NMNAT2: variants seen among roughly 807,000 people sequenced by gnomAD.
The protein encoded by NMNAT2 is nicotinamide nucleotide adenylyltransferase 2.
NMNAT2 carries 11 observed loss-of-function variants against 41.6 expected under a neutral mutation model. The observed-to-expected ratio is 0.26, with a 90% CI of 0.17 to 0.44. The LOEUF is 0.44. Among genes scored for constraint, NMNAT2 ranks in the 20% least tolerant of loss-of-function variants. The pLI is 1.00. For synonymous variants in NMNAT2, 148 were observed against 151.2 expected, an observed-to-expected ratio of 0.98 and a Z score of 0.16; for missense variants, 288 against 407.7, an observed-to-expected ratio of 0.71 and a Z score of 2.53.
At chr1:183,320,575 C>G (rs10911307) in intron 1 of NMNAT2, among the ~76,000 whole-genome samples, 1 of 152,128 alleles carries the variant, frequency 6.6e-6, no homozygotes, top group South Asian at 2.1e-4. Flanking sequence ...GCACTCCAGC[C>G]TGGGCGACAG....
At chr1:183,352,987 C>G (rs1170734159) in intron 1 of NMNAT2, among the ~76,000 whole-genome samples, 2 of 152,128 alleles carry the variant, frequency 1.3e-5, no homozygotes, top group African/African-American at 4.8e-5. Flanking sequence ...AAAGGAGGCT[C>G]TAGCCATCTT....
intron 7 of NMNAT2, among the ~76,000 whole-genome samples, chr1:183,279,236 C>A (rs142122609): frequency 9.5e-4 from 145 of 152,340 alleles, no homozygotes; most frequent in Middle Eastern, 3.4e-3. Flanking sequence ...AGGCGCACTT[C>A]CTGCTTGTCA....
chr1:183,272,672 G>A (rs1661015935), intron 8 of NMNAT2, among the ~76,000 whole-genome samples: 3 of 152,228 alleles, frequency 2.0e-5, no homozygotes, highest in African/African-American at 4.8e-5. Context: ...AACTGACTCA[G>A]TAGAGAGTGT....
chr1:183,328,077 G>A (rs1191067806), intron 1 of NMNAT2, among the ~76,000 whole-genome samples: 1 of 152,192 alleles, frequency 6.6e-6, no homozygotes, highest in Non-Finnish European at 1.5e-5. Flanking sequence ...GCCAGAGAGG[G>A]GAGAATAGGG....
At chr1:183,259,951 T>C (rs1408330032) in intron 10 of NMNAT2, among the ~76,000 whole-genome samples, 1 of 152,218 alleles carries the variant, frequency 6.6e-6, no homozygotes, top group East Asian at 1.9e-4. Context: ...CTTTCAGTTT[T>C]ACACTTCTAA....
chr1:183,269,780 G>A (rs1224476870), intron 8 of NMNAT2, among the ~76,000 whole-genome samples: 10 of 152,206 alleles, frequency 6.6e-5, no homozygotes, highest in African/African-American at 2.4e-4. Flanking sequence ...CACAGCTAAC[G>A]AGTGAATGTG....
intron 8 of NMNAT2, among the ~76,000 whole-genome samples, chr1:183,266,265 A>T (rs1486363458): frequency 6.6e-6 from 1 of 152,092 alleles, no homozygotes; most frequent in Non-Finnish European, 1.5e-5. Context: ...TCTCCCTGTT[A>T]TTTGCTTGCC....
At chr1:183,258,921 A>C (rs553179509) in intron 10 of NMNAT2, among the ~76,000 whole-genome samples, 1 of 152,242 alleles carries the variant, frequency 6.6e-6, no homozygotes, top group African/African-American at 2.4e-5. Flanking sequence ...TGCTCCCGAA[A>C]TGCTCAGGGA....
intron 1 of NMNAT2, 61 bp from the exon 2 acceptor site, chr1:183,293,854 T>C (rs1661609965): frequency 8.7e-7 from 1 of 1,151,408 alleles, no homozygotes; most frequent in South Asian, 1.2e-5. Flanking sequence ...AAGGTGATAA[T>C]TGAAATCAAT....
At chr1:183,299,619 C>G (rs1661794608) in intron 1 of NMNAT2, among the ~76,000 whole-genome samples, 1 of 149,916 alleles carries the variant, frequency 6.7e-6, no homozygotes, top group African/African-American at 2.5e-5. Flanking sequence ...AGTTCATGAC[C>G]AACATGGGCA....
At chr1:183,303,780 G>T (rs191081949) in intron 1 of NMNAT2, among the ~76,000 whole-genome samples, 1 of 152,214 alleles carries the variant, frequency 6.6e-6, no homozygotes, top group African/African-American at 2.4e-5. Flanking sequence ...TACGGTCCAT[G>T]AAGTTTGATC....
intron 1 of NMNAT2, among the ~76,000 whole-genome samples, chr1:183,345,158 G>T (rs944190): frequency 0.51 from 77,185 of 150,552 alleles, 21,577 homozygotes; most frequent in East Asian, 0.86. Flanking sequence ...TAGCTGACTT[G>T]CTTCTACTAA....
At chr1:183,314,929 C>G (rs924725798) in intron 1 of NMNAT2, among the ~76,000 whole-genome samples, 1 of 152,138 alleles carries the variant, frequency 6.6e-6, no homozygotes, top group African/African-American at 2.4e-5. Context: ...GCAAACAAAC[C>G]TAAGAATTCC....
rs576005164 is a variant in NMNAT2, at chr1:183,272,676, A to G, written c.651+5877T>C. 9.5e-4 allele frequency among the ~76,000 whole-genome samples: 145 copies of G among 152,296 alleles called. 2 individuals are homozygous for G. Among genetic ancestry groups the G allele is most frequent in the Non-Finnish European group, 6.3e-4 (43 of 68,024 alleles). On this transcript the variant is annotated intron_variant, in intron 8 of 10. Coordinates refer to ENST00000287713, the MANE Select transcript of NMNAT2 (RefSeq NM_015039.4). Reference sequence around the variant, plus strand: ...AGAAAGAGCAAAACTGACTCAGTAGAGAGTGTGTGTTGGTGCTGGAGGAGG... The same window carrying G: ...AGAAAGAGCAAAACTGACTCAGTAGGGAGTGTGTGTTGGTGCTGGAGGAGG...
At chr1:183,282,189 ACCCT>A (rs1406995044) in intron 7 of NMNAT2, among the ~76,000 whole-genome samples, 1 of 151,636 alleles carries the variant, frequency 6.6e-6, no homozygotes, top group Non-Finnish European at 1.5e-5. Context: ...ATGCAGGTAG[ACCCT>A]CCCTCTCAGC....
rs193173150 is a variant in NMNAT2, at chr1:183,370,541, A to G, written c.85+47642T>C. On this transcript the variant is annotated intron_variant, in intron 1 of 10. Transcript: ENST00000287713. The stretch of plus-strand genomic sequence containing the variant: ...CACTTCTCCACTTCTCCACTTCACC[A>G]TAGAAGGAAACTGAAAAACCTCTGT... Among the ~76,000 whole-genome samples, 59 of 152,282 alleles carry G rather than the reference A, an allele frequency of 3.9e-4. 2 individuals are homozygous for G. The East Asian group carries it at 0.01, about 27-fold the overall frequency.
chr1:183,294,884 T>C (rs1406482717), intron 1 of NMNAT2, among the ~76,000 whole-genome samples: 2 of 152,268 alleles, frequency 1.3e-5, no homozygotes, highest in Non-Finnish European at 2.9e-5. Flanking sequence ...AAGGAATTTT[T>C]AAGTAGAAGG....
chr1:183,389,897 G>GGGAGGGAA (rs1402573070), intron 1 of NMNAT2, among the ~76,000 whole-genome samples: 2 of 132,418 alleles, frequency 1.5e-5, no homozygotes, highest in African/African-American at 5.6e-5. Flanking sequence ...GAGGGAGGGA[G>GGGAGGGAA]GGAAGGAAGG....
intron 1 of NMNAT2, among the ~76,000 whole-genome samples, chr1:183,357,219 CTTTTTTTTTTTTT>C (rs11343113): frequency 8.4e-5 from 6 of 71,600 alleles, no homozygotes; most frequent in African/African-American, 1.7e-4. Context: ...ACATCAAATT[CTTTTTTTTTTTTT>C]TTTTTTTTTT....
Sources: allele counts gnomAD v4.1 joint callset (sites outside exome capture counted in the v4.1 genomes callset), GRCh38; gene constraint gnomAD v4.1.1; transcripts MANE v1.5; gene names NCBI Gene and HGNC (gene_info 2026-07-23, HGNC 2026-07-21).